SYTL2: variants seen among roughly 807,000 people sequenced by gnomAD.
The protein encoded by SYTL2 is synaptotagmin like 2.
In SYTL2, 165 loss-of-function variants were observed where a neutral mutation model predicts 198.7. That is an observed-to-expected ratio of 0.83 (90% CI 0.73 to 0.94). SYTL2 has a LOEUF of 0.94. Among genes scored for constraint, SYTL2 ranks in the 40% least tolerant of loss-of-function variants. The probability of loss-of-function intolerance (pLI) is 0.00; values close to 1 mark genes in which losing one functional copy is unlikely to be tolerated. For synonymous variants in SYTL2, 966 were observed against 917.7 expected (o/e 1.05, Z -0.95); for missense variants, 2,835 against 2,582.8 (o/e 1.10, Z -2.12).
chr11:85,837,074 A>C, the SYTL2 span, among the ~76,000 whole-genome samples: 1 of 152,230 alleles, frequency 6.6e-6, no homozygotes, highest in African/African-American at 2.4e-5. Flanking sequence ...CTCCTCAAGC[A>C]ATCAATATGC....
In SYTL2 at chr11:85,748,431, A is replaced by C. The variant is rs766276953; in HGVS notation, c.102-8T>G. On this transcript the variant is annotated splice_polypyrimidine_tract_variant and splice_region_variant and intron_variant, in intron 2 of 19. Coordinates refer to ENST00000359152, the MANE Select transcript of SYTL2 (RefSeq NM_206927.4). Reference sequence around the variant, plus strand: ...ATTTTTTCAGGCAAATGTCTACAAAAGGAAAAGATCTTTAGTTTGCTGAGA... The same window carrying C: ...ATTTTTTCAGGCAAATGTCTACAAACGGAAAAGATCTTTAGTTTGCTGAGA... 29 of 1,613,626 alleles carry C rather than the reference A, an allele frequency of 1.8e-5. No homozygotes were observed. Among genetic ancestry groups the C allele is most frequent in the South Asian group, 1.6e-4 (15 of 91,050 alleles).
Position 85,727,980 on chromosome 11 carries a change from A to C in SYTL2, c.1391-13T>G. On this transcript the variant is annotated splice_polypyrimidine_tract_variant and intron_variant, in intron 7 of 19. Transcript: ENST00000359152. ...TGAGACAGTTCATCTGCAACATAGA[A>C]ATACTTTTCTAAATAAGAAAAGAGC... 6.4e-7 allele frequency: 1 copy of C among 1,556,976 alleles called. No individual in the cohort carries two copies. Among genetic ancestry groups the C allele is most frequent in the South Asian group, 1.2e-5 (1 of 82,794 alleles).
chr11:85,724,310 T>C lies in SYTL2; in HGVS notation c.5048A>G (p.Glu1683Gly), dbSNP rs1370258483. ...AACCCCACTTTCACTGTCCCTGTCCTCTGGGGGGGTTACAGTTTTAATGGT... is the reference window on the plus strand; with the variant it reads ...AACCCCACTTTCACTGTCCCTGTCCCCTGGGGGGGTTACAGTTTTAATGGT... ...IGTIKTVTPP[E>G]DRDSESGVAG... Residue 1683 changes from glutamate (E) to glycine (G), a missense_variant, in exon 8 of 20, where the codon GAG becomes GGG. By Grantham distance (98) the Glu-to-Gly change is moderately conservative (BLOSUM62 -2). Around this residue, in one of 3 missense-constraint regions of SYTL2, gnomAD observed 2,645 missense variants for 2,381.7 expected, o/e 1.11. Coordinates refer to ENST00000359152, the MANE Select transcript of SYTL2 (RefSeq NM_206927.4). 4 of 1,577,298 alleles carry C rather than the reference T, an allele frequency of 2.5e-6. No homozygotes were observed. The highest frequency in any genetic ancestry group is 3.4e-6 in the Non-Finnish European group (4 of 1,165,080).
intron 1 of SYTL2, among the ~76,000 whole-genome samples, chr11:85,777,369 T>C (rs2092469063): frequency 6.6e-6 from 1 of 152,166 alleles, no homozygotes; most frequent in African/African-American, 2.4e-5. Context: ...TCTGAGCTAA[T>C]TGGCCTTTTA....
intron 7 of SYTL2, among the ~76,000 whole-genome samples, chr11:85,733,061 A>G (rs971617275): frequency 6.6e-6 from 1 of 152,196 alleles, no homozygotes; most frequent in African/African-American, 2.4e-5. Context: ...AAGCTGAAGG[A>G]GAAAGTGCCT....
At chr11:85,709,639 T>C (rs2085901900) in intron 13 of SYTL2, 139 bp from the exon 14 acceptor site, 1 of 757,248 alleles carries the variant, frequency 1.3e-6, no homozygotes, top group Non-Finnish European at 2.1e-6. Context: ...CATAAAGACA[T>C]ATCTATAAAG....
chr11:85,730,686 G>T (rs1565940869), intron 7 of SYTL2, among the ~76,000 whole-genome samples: 1 of 152,088 alleles, frequency 6.6e-6, no homozygotes, highest in African/African-American at 2.4e-5. Flanking sequence ...ACTGGCACAA[G>T]ACAAGGATGC....
chr11:85,774,720 T>C (rs79922903), intron 1 of SYTL2, among the ~76,000 whole-genome samples: 3,181 of 152,336 alleles, frequency 0.021, 63 homozygotes, highest in Admixed American at 0.037. Flanking sequence ...ATTTCTCCTA[T>C]ACCCTCATGA....
intron 1 of SYTL2, among the ~76,000 whole-genome samples, chr11:85,775,064 G>C (rs1237034400): frequency 6.6e-6 from 1 of 152,078 alleles, no homozygotes; most frequent in East Asian, 1.9e-4. Context: ...CTAGCTTAGG[G>C]AGAAAGAGAT....
intron 1 of SYTL2, among the ~76,000 whole-genome samples, chr11:85,802,765 A>G (rs548431777): frequency 6.6e-6 from 1 of 152,356 alleles, no homozygotes; most frequent in Middle Eastern, 3.4e-3. Context: ...TATATTTATT[A>G]CCCCATCTTG....
chr11:85,752,112 TAGGC>T (rs2091548042), intron 2 of SYTL2, among the ~76,000 whole-genome samples: 1 of 152,194 alleles, frequency 6.6e-6, no homozygotes, highest in African/African-American at 2.4e-5. Flanking sequence ...TCAACAGGAC[TAGGC>T]AAAGCTCGAA....
intron 1 of SYTL2, among the ~76,000 whole-genome samples, chr11:85,788,603 G>T (rs951858932): frequency 1.9e-4 from 29 of 152,160 alleles, no homozygotes; most frequent in African/African-American, 6.7e-4. Flanking sequence ...GGGTTCCAGA[G>T]ACCCTTAGTT....
chr11:85,806,965 T>C (rs2092967047), intron 1 of SYTL2, among the ~76,000 whole-genome samples: 1 of 152,266 alleles, frequency 6.6e-6, no homozygotes, highest in African/African-American at 2.4e-5. Flanking sequence ...CATTGTTTCC[T>C]CAGAGCATCC....
Position 85,709,459 on chromosome 11 carries a change from G to C in SYTL2, c.5787C>G (p.Gly1929=). The change falls in exon 14 of 20, where the codon GGC becomes GGG. Residue 1929 remains glycine (G), a synonymous_variant. Coordinates refer to ENST00000359152, the MANE Select transcript of SYTL2 (RefSeq NM_206927.4). ...GAATATTTCCTTTAACTTCCAGATT[G>C]CCAAAGTCTCCACTATAAACACTCA... ...SVMSVYSGDF[G]NLEVKGNIQF... is the part of the protein sequence containing the mutation. The C allele has an allele frequency of 6.2e-7, 1 of 1,613,876 alleles. No homozygotes were observed. The highest frequency in any genetic ancestry group is 1.7e-5 in the Admixed American group (1 of 60,006).
chr11:85,706,651 A>G (rs1414794178), intron 15 of SYTL2, among the ~76,000 whole-genome samples: 1 of 152,190 alleles, frequency 6.6e-6, no homozygotes, highest in East Asian at 1.9e-4. Context: ...AACAAAGACT[A>G]TGAGAGAGGA....
At chr11:85,789,886 T>G (rs1195855230) in intron 1 of SYTL2, among the ~76,000 whole-genome samples, 2 of 152,134 alleles carry the variant, frequency 1.3e-5, no homozygotes, top group African/African-American at 4.8e-5. Flanking sequence ...ACAGTATAGA[T>G]CCTTCAAAAC....
rs182765615 is a variant in SYTL2 at position 85,755,024 on chromosome 11, C to A, written c.101+2601G>T. Among the ~76,000 whole-genome samples, 362 of 150,954 alleles carry A rather than the reference C, an allele frequency of 2.4e-3. 2 individuals are homozygous for A. The highest frequency in any genetic ancestry group is 6.8e-3 in the Middle Eastern group (2 of 294). On this transcript the variant is annotated intron_variant, in intron 2 of 19. Coordinates refer to ENST00000359152, the MANE Select transcript of SYTL2 (RefSeq NM_206927.4). ...TAAAATGACTGATATGGAACAACAACAAAAAAAAATTTCATAGTTATTAGG... is the reference window on the plus strand; with the variant it reads ...TAAAATGACTGATATGGAACAACAAAAAAAAAAAATTTCATAGTTATTAGG...
chr11:85,723,960 A>AG, intron 8 of SYTL2, 72 bp downstream of exon 8: 1 of 904,368 alleles, frequency 1.1e-6, no homozygotes, highest in Non-Finnish European at 1.6e-6. Flanking sequence ...ATCCCAATTA[A>AG]AAAAAATCAT....
chr11:85,833,138 GGAAGGAAGGAAGGAAGGAAA>G, the SYTL2 span, among the ~76,000 whole-genome samples: 5 of 90,402 alleles, frequency 5.5e-5, no homozygotes, highest in East Asian at 4.6e-4. Flanking sequence ...AAGGAAGGAA[GGAAGGAAGGAAGGAAGGAAA>G]GAAAGAAAGA....
Sources: gnomAD v4.1 joint callset for allele counts (sites outside exome capture counted in the v4.1 genomes callset) on GRCh38, gnomAD v4.1.1 for gene constraint, gnomAD v4.1.1 regional missense constraint, MANE v1.5 for transcripts, NCBI Gene and HGNC (gene_info 2026-07-23, HGNC 2026-07-21) for gene names.